DLGAP2: variants seen among roughly 807,000 people sequenced by gnomAD.
DLGAP2 encodes DLG associated protein 2.
A neutral mutation model predicts 100.3 loss-of-function variants in DLGAP2; 26 were observed. That is an observed-to-expected ratio of 0.26 (90% CI 0.19 to 0.36). The LOEUF is 0.36. Ranked by LOEUF, DLGAP2 falls within the 10% of genes least tolerant of loss-of-function variation. DLGAP2 has a pLI of 1.00. For missense variants in DLGAP2, 1,858 were observed against 1,453.2 expected, an observed-to-expected ratio of 1.28 and a Z score of -4.53; for synonymous variants, 886 against 630.1, an observed-to-expected ratio of 1.41 and a Z score of -6.08.
At chr8:1,408,048 C>T (rs1425805053) in intron 3 of DLGAP2, among the ~76,000 whole-genome samples, 1 of 152,218 alleles carries the variant, frequency 6.6e-6, no homozygotes, top group Admixed American at 6.5e-5. Flanking sequence ...ACCAAAAATG[C>T]CTCCAGATAG....
chr8:1,011,082 G>T (rs1430019005), intron 2 of DLGAP2, among the ~76,000 whole-genome samples: 3 of 151,942 alleles, frequency 2.0e-5, no homozygotes. Context: ...TACACAGTGA[G>T]CCCTGGAATG....
At chr8:1,328,425 T>C (rs1801072616) in intron 3 of DLGAP2, among the ~76,000 whole-genome samples, 1 of 152,176 alleles carries the variant, frequency 6.6e-6, no homozygotes, top group Admixed American at 6.5e-5. Flanking sequence ...TTCAGGCTAT[T>C]CTCCTGCCTC....
intron 2 of DLGAP2, among the ~76,000 whole-genome samples, chr8:1,137,136 G>A (rs967972655): frequency 2.0e-4 from 30 of 152,194 alleles, no homozygotes; most frequent in African/African-American, 6.3e-4. Context: ...CCAGCTTGCA[G>A]CGTGGCCTCC....
chr8:1,135,503 GTTTTTTTT>G lies in DLGAP2; in HGVS notation c.74-123331_74-123324del, dbSNP rs3080806. Among the ~76,000 whole-genome samples the G allele has an allele frequency of 6.7e-3, 617 of 92,246 alleles. 7 individuals are homozygous for G. Among genetic ancestry groups the G allele is most frequent in the African/African-American group, 0.023 (589 of 25,312 alleles). 60.5% of individuals were successfully genotyped at this position (92,246 alleles called of 152,430 possible). A position where few individuals can be genotyped will look rare whatever the true frequency, so the allele number is the denominator to read the frequency against. ...GGATCCTAGAAGGGTTTTTTTGTGG[GTTTTTTTT>G]TTTTTTTTTTTTTTTTGTCCATATC... On this transcript the variant is annotated intron_variant, in intron 2 of 14. Transcript: ENST00000637795.
intron 2 of DLGAP2, among the ~76,000 whole-genome samples, chr8:983,549 A>G (rs1408341373): frequency 6.6e-6 from 1 of 152,230 alleles, no homozygotes; most frequent in Middle Eastern, 3.2e-3. Context: ...CATACCCTGG[A>G]TATGTCACGT....
intron 8 of DLGAP2, among the ~76,000 whole-genome samples, chr8:1,663,698 A>C (rs1259709886): frequency 2.6e-5 from 4 of 152,120 alleles, no homozygotes; most frequent in Admixed American, 2.6e-4. Flanking sequence ...CTTGCCTGTG[A>C]GTCTGTGGAT....
At chr8:1,421,593 T>C (rs1417520069) in intron 3 of DLGAP2, among the ~76,000 whole-genome samples, 1 of 152,160 alleles carries the variant, frequency 6.6e-6, no homozygotes, top group South Asian at 2.1e-4. Context: ...TTTTCATATA[T>C]TGAAGAGAGT....
At chr8:1,504,935 C>G (rs1799854177) in intron 4 of DLGAP2, among the ~76,000 whole-genome samples, 1 of 151,950 alleles carries the variant, frequency 6.6e-6, no homozygotes, top group South Asian at 2.1e-4. Context: ...CTAATGTACC[C>G]CTAGGATTGA....
chr8:1,121,022 C>T (rs1717863359), intron 2 of DLGAP2, among the ~76,000 whole-genome samples: 1 of 146,780 alleles, frequency 6.8e-6, no homozygotes, highest in East Asian at 2.1e-4. Flanking sequence ...TTTAGAACCC[C>T]TGGCCACGCA....
At chr8:1,119,737 G>A (rs1235302091) in intron 2 of DLGAP2, among the ~76,000 whole-genome samples, 1 of 152,216 alleles carries the variant, frequency 6.6e-6, no homozygotes, top group African/African-American at 2.4e-5. Context: ...ATCCAATGGG[G>A]AATTTCACCT....
chr8:1,454,213 G>A (rs78226888), intron 3 of DLGAP2, among the ~76,000 whole-genome samples: 2,502 of 152,280 alleles, frequency 0.016, 72 homozygotes, highest in African/African-American at 0.057. Context: ...GTCCACAGCC[G>A]CCCGGCAGGA....
At chr8:1,667,149 TC>T (rs1262170209) in intron 8 of DLGAP2, among the ~76,000 whole-genome samples, 1 of 152,212 alleles carries the variant, frequency 6.6e-6, no homozygotes, top group African/African-American at 2.4e-5. Context: ...TATCAGCTCT[TC>T]CTGTGCACTA....
intron 2 of DLGAP2, among the ~76,000 whole-genome samples, chr8:1,179,148 C>G (rs556117176): frequency 6.6e-6 from 1 of 152,236 alleles, no homozygotes; most frequent in Non-Finnish European, 1.5e-5. Context: ...GTTTCAGGGA[C>G]TTAATTTCTT....
At chr8:1,669,709 G>A in intron 9 of DLGAP2, 34 bp from the exon 10 acceptor site, 1 of 780,886 alleles carries the variant, frequency 1.3e-6, no homozygotes, top group South Asian at 1.3e-5. Context: ...CTCCGAACCA[G>A]GTCTCCACAC....
chr8:1,069,178 G>T (rs1156621661), intron 2 of DLGAP2, among the ~76,000 whole-genome samples: 2 of 152,192 alleles, frequency 1.3e-5, no homozygotes, highest in Non-Finnish European at 2.9e-5. Flanking sequence ...AGAACGAATT[G>T]GGCCCCAAAT....
rs1405182608 is a variant in DLGAP2 at position 1,678,415 on chromosome 8, A to C, written c.2490A>C (p.Arg830Ser). The change falls in exon 12 of 15, where the codon AGA becomes AGC. Residue 830 changes from arginine (R) to serine (S), a missense_variant. By Grantham distance (110) the Arg-to-Ser change is moderately radical. Transcript: ENST00000637795. The stretch of plus-strand genomic sequence containing the variant: ...GGACCCAGGGGCTCTTCAGCTATAG[A>C]GAAGACTATCGGACCCAAGTGGACA... ...TVRTQGLFSYREDYRTQVDTS... is the reference protein window; with the variant it reads ...TVRTQGLFSYSEDYRTQVDTS... The C allele has an allele frequency of 6.2e-7, 1 of 1,613,764 alleles. No homozygotes were observed. Among genetic ancestry groups the C allele is most frequent in the South Asian group, 1.1e-5 (1 of 91,060 alleles).
At chr8:1,437,577 G>A (rs1388140013) in intron 3 of DLGAP2, among the ~76,000 whole-genome samples, 4 of 152,152 alleles carry the variant, frequency 2.6e-5, no homozygotes, top group African/African-American at 9.7e-5. Context: ...CGCTATCTGA[G>A]TGGTGAATTA....
At chr8:1,210,550 G>T (rs758476507) in intron 2 of DLGAP2, among the ~76,000 whole-genome samples, 9 of 152,218 alleles carry the variant, frequency 5.9e-5, no homozygotes, top group Non-Finnish European at 1.2e-4. Context: ...CACAGCACAG[G>T]CCCACTGAGT....
chr8:1,628,165 C>A (rs1797554799), intron 7 of DLGAP2, among the ~76,000 whole-genome samples: 1 of 112,762 alleles, frequency 8.9e-6, no homozygotes, highest in Admixed American at 8.6e-5. Context: ...CCTGAGCTGA[C>A]CTCACATTCT....
Sources: allele counts gnomAD v4.1 joint callset (sites outside exome capture counted in the v4.1 genomes callset), GRCh38; gene constraint gnomAD v4.1.1; transcripts MANE v1.5; gene names NCBI Gene and HGNC (gene_info 2026-07-23, HGNC 2026-07-21).